Variants in PAPPA2 observed in about 807,000 individuals in gnomAD.
PAPPA2 encodes the protein pappalysin 2, also known as pappalysin-2.
Under a neutral mutation model 176.4 loss-of-function variants are expected in PAPPA2, and 86 were observed. The ratio of observed to expected loss-of-function variants is 0.49; its 90% CI spans 0.41 to 0.58. The LOEUF (loss-of-function observed/expected upper bound fraction) is 0.58. PAPPA2 is among the 20% of genes least tolerant of loss of function. PAPPA2 has a pLI of 0.00. For missense variants in PAPPA2, 2,073 were observed against 2,256.9 expected (o/e 0.92, Z 1.65); for synonymous variants, 809 against 852.2 (o/e 0.95, Z 0.88).
chr1:176,759,658 G>T (rs148136852), intron 14 of PAPPA2, among the ~76,000 whole-genome samples: 1 of 152,092 alleles, frequency 6.6e-6, no homozygotes, highest in Non-Finnish European at 1.5e-5. Flanking sequence ...TGAGCTCCCC[G>T]AATATGGACC....
intron 3 of PAPPA2, among the ~76,000 whole-genome samples, chr1:176,643,773 C>A (rs958005057): frequency 6.6e-6 from 1 of 151,816 alleles, no homozygotes; most frequent in Admixed American, 6.6e-5. Context: ...AGCCAACAAA[C>A]GATCCTCAGA....
At chr1:176,681,912 C>T (rs757417886) in intron 4 of PAPPA2, among the ~76,000 whole-genome samples, 24 of 151,986 alleles carry the variant, frequency 1.6e-4, no homozygotes, top group African/African-American at 2.9e-4. Context: ...CAGTGGACTG[C>T]GGCAGAGTAG....
chr1:176,556,714 G>C lies in PAPPA2; in HGVS notation c.392G>C (p.Gly131Ala). 6.2e-7 allele frequency: 1 copy of C among 1,614,088 alleles called. No homozygotes were observed. Among genetic ancestry groups the C allele is most frequent in the East Asian group, 2.2e-5 (1 of 44,864 alleles). Residue 131 changes from glycine (G) to alanine (A), a missense_variant, in exon 2 of 23, where the codon GGG (glycine) becomes GCG (alanine). Around this residue, in one of 4 missense-constraint regions of PAPPA2, gnomAD observed 1,196 missense variants for 1,330.4 expected, o/e 0.90. Transcript: ENST00000367662. ...AVEEPAAPWV[G>A]DSPIGQSELL... is the part of the protein sequence containing the mutation. ...GAAGAGCCGGCTGCCCCATGGGTAG[G>C]GGATAGTCCTATTGGGCAATCTGAG...
rs1179592088 is a variant in PAPPA2 at position 176,578,894 on chromosome 1, C to A, written c.920-15630C>A. ...AAGGGTATGAGATGGCGCCTTTCCC[C>A]TTTTGTCGCTACCATAAAATAAGAA... On this transcript the variant is annotated intron_variant, in intron 2 of 22. Coordinates refer to ENST00000367662, the MANE Select transcript of PAPPA2 (RefSeq NM_020318.3). Among the ~76,000 whole-genome samples the A allele has an allele frequency of 5.3e-5, 8 of 152,300 alleles. No homozygotes were observed. In the East Asian group the frequency reaches 1.5e-3, roughly 29 times the overall value.
chr1:176,581,963 G>C (rs1443167635), intron 2 of PAPPA2, among the ~76,000 whole-genome samples: 1 of 110,204 alleles, frequency 9.1e-6, no homozygotes, highest in Non-Finnish European at 1.7e-5. Context: ...TCACTCTGTT[G>C]CCCAGGCTGG....
chr1:176,800,267 T>C, intron 21 of PAPPA2, 135 bp downstream of exon 21: 1 of 809,252 alleles, frequency 1.2e-6, no homozygotes. Flanking sequence ...TTAAATTAAG[T>C]TGGTTCCACG....
intron 12 of PAPPA2, among the ~76,000 whole-genome samples, chr1:176,738,000 A>G (rs768263740): frequency 1.5e-4 from 23 of 152,080 alleles, no homozygotes; most frequent in Non-Finnish European, 3.2e-4. Context: ...AGAAAATGAC[A>G]CAGAACTTTC....
At chr1:176,657,173 A>G (rs1658080340) in intron 3 of PAPPA2, among the ~76,000 whole-genome samples, 2 of 151,926 alleles carry the variant, frequency 1.3e-5, no homozygotes, top group African/African-American at 4.8e-5. Context: ...ACCAGGATTT[A>G]GGGTATTAGG....
At chr1:176,720,474 T>A (rs913718369) in intron 12 of PAPPA2, among the ~76,000 whole-genome samples, 1 of 152,138 alleles carries the variant, frequency 6.6e-6, no homozygotes, top group African/African-American at 2.4e-5. Flanking sequence ...AATGTTCAGT[T>A]TTAAACTTAC....
chr1:176,724,383 T>C (rs1394325499), intron 12 of PAPPA2, among the ~76,000 whole-genome samples: 1 of 152,194 alleles, frequency 6.6e-6, no homozygotes, highest in Non-Finnish European at 1.5e-5. Flanking sequence ...CTAAGTAATA[T>C]AGACAACAAA....
At chr1:176,808,274 T>C (rs1360653061) in intron 21 of PAPPA2, among the ~76,000 whole-genome samples, 1 of 152,240 alleles carries the variant, frequency 6.6e-6, no homozygotes, top group Non-Finnish European at 1.5e-5. Context: ...GATTTGCTTT[T>C]TTAACAAATA....
At chr1:176,671,207 G>A in intron 4 of PAPPA2, 92 bp downstream of exon 4, 1 of 1,513,522 alleles carries the variant, frequency 6.6e-7, no homozygotes, top group Admixed American at 1.9e-5. Context: ...AAGAAAGACA[G>A]AGAAAAAGTG....
chr1:176,745,500 C>A (rs536156395), intron 14 of PAPPA2, among the ~76,000 whole-genome samples: 1 of 152,240 alleles, frequency 6.6e-6, no homozygotes, highest in South Asian at 2.1e-4. Flanking sequence ...CTGTCTTGTA[C>A]TATTAACCCC....
intron 3 of PAPPA2, among the ~76,000 whole-genome samples, chr1:176,646,240 T>G (rs975693835): frequency 1.3e-5 from 2 of 151,482 alleles, no homozygotes; most frequent in Non-Finnish European, 3.0e-5. Flanking sequence ...TAGGTTTAAG[T>G]CTTTCATCCA....
At chr1:176,593,917 TG>T (rs1380301830) in intron 2 of PAPPA2, among the ~76,000 whole-genome samples, 1 of 152,210 alleles carries the variant, frequency 6.6e-6, no homozygotes, top group African/African-American at 2.4e-5. Context: ...TTATTCATTG[TG>T]AATGGCTATC....
intron 3 of PAPPA2, among the ~76,000 whole-genome samples, chr1:176,620,094 G>A (rs1032287342): frequency 5.9e-5 from 9 of 152,180 alleles, no homozygotes; most frequent in African/African-American, 2.2e-4. Flanking sequence ...TGCCTGGTGA[G>A]CATCAGCTTT....
At chr1:176,492,959 G>T (rs561800641) in intron 1 of PAPPA2, among the ~76,000 whole-genome samples, 1 of 152,170 alleles carries the variant, frequency 6.6e-6, no homozygotes, top group East Asian at 1.9e-4. Flanking sequence ...TTTCTGTTGT[G>T]ATTCAGGATA....
rs551909913 is a variant in PAPPA2, at chr1:176,548,783, C to T, written c.-916-6624C>T. Among the ~76,000 whole-genome samples the T allele has an allele frequency of 3.3e-5, 5 of 152,094 alleles. No homozygotes were observed. The South Asian group carries it at 8.3e-4, about 25-fold the overall frequency. On this transcript the variant is annotated intron_variant, in intron 1 of 22. Coordinates refer to ENST00000367662, the MANE Select transcript of PAPPA2 (RefSeq NM_020318.3). ...GATGCTACACTGGGCATGTGGTATG[C>T]GCTCAATAAATGCTAGCTACTACTG...
intron 3 of PAPPA2, among the ~76,000 whole-genome samples, chr1:176,653,661 C>T (rs1410797908): frequency 2.6e-5 from 4 of 151,562 alleles, no homozygotes; most frequent in Non-Finnish European, 4.4e-5. Context: ...TTTCCCTTTC[C>T]TCCTTATAAT....
Sources: allele counts gnomAD v4.1 joint callset (sites outside exome capture counted in the v4.1 genomes callset), GRCh38; gene constraint gnomAD v4.1.1; regional missense constraint gnomAD v4.1.1; transcripts MANE v1.5; gene names NCBI Gene and HGNC (gene_info 2026-07-23, HGNC 2026-07-21).